KCNT2: variants seen among roughly 807,000 people sequenced by gnomAD.
KCNT2 encodes the protein potassium channel subfamily T member 2.
KCNT2 carries 67 observed loss-of-function variants against 153.8 expected under a neutral mutation model. That is an observed-to-expected ratio of 0.44 (90% confidence interval 0.36 to 0.53). The LOEUF (loss-of-function observed/expected upper bound fraction) is 0.53, where lower values mean the gene tolerates loss of function less well. Ranked by LOEUF, KCNT2 falls within the 20% of genes least tolerant of loss-of-function variation. The probability of loss-of-function intolerance (pLI) is 0.00; values close to 1 mark genes in which losing one functional copy is unlikely to be tolerated. For synonymous variants in KCNT2, 500 were observed against 458.8 expected (o/e 1.09, Z -1.15); for missense variants, 975 against 1,354.8 (o/e 0.72, Z 4.40).
chr1:196,447,522 T>C (rs996176677), intron 8 of KCNT2, among the ~76,000 whole-genome samples: 13 of 151,458 alleles, frequency 8.6e-5, no homozygotes, highest in African/African-American at 3.1e-4. Context: ...ATAAGCATTA[T>C]AAGGGAGCAA....
At chr1:196,293,993 ACAACT>A (rs1297702015) in intron 22 of KCNT2, among the ~76,000 whole-genome samples, 1 of 152,180 alleles carries the variant, frequency 6.6e-6, no homozygotes, top group African/African-American at 2.4e-5. Context: ...AAGGACTCAA[ACAACT>A]CAACAGCAAT....
rs368302559 is a variant in KCNT2, at chr1:196,435,743, T to C, written c.639-5986A>G. Among the ~76,000 whole-genome samples, 12 of 151,860 alleles carry C rather than the reference T, an allele frequency of 7.9e-5. No homozygotes were observed. The East Asian group carries it at 2.3e-3, about 30-fold the overall frequency. ...GGACAACTGTCTAGGCTATGTTTTA[T>C]GGAAGAAACAAATTACTCAATATTA... is the stretch of plus-strand genomic sequence containing the variant. On this transcript the variant is annotated intron_variant, in intron 8 of 27. Coordinates refer to ENST00000294725, the MANE Select transcript of KCNT2 (RefSeq NM_198503.5).
intron 13 of KCNT2, among the ~76,000 whole-genome samples, chr1:196,378,501 C>A (rs1373522078): frequency 2.0e-5 from 3 of 151,674 alleles, no homozygotes; most frequent in Non-Finnish European, 4.4e-5. Flanking sequence ...GTCAAATACT[C>A]CAAGTTTTAG....
intron 8 of KCNT2, among the ~76,000 whole-genome samples, chr1:196,442,341 G>A (rs2148590927): frequency 6.6e-6 from 1 of 151,846 alleles, no homozygotes; most frequent in Non-Finnish European, 1.5e-5. Context: ...AAAAAGTTTT[G>A]TTCTCCATTC....
At chr1:196,479,124 G>C in intron 5 of KCNT2, 55 bp downstream of exon 5, 2 of 1,125,054 alleles carry the variant, frequency 1.8e-6, no homozygotes, top group Non-Finnish European at 2.7e-6. Flanking sequence ...GGAATACTGA[G>C]TAAATACTAC....
chr1:196,280,389 G>A (rs1339048685), intron 25 of KCNT2, among the ~76,000 whole-genome samples: 1 of 152,174 alleles, frequency 6.6e-6, no homozygotes, highest in Non-Finnish European at 1.5e-5. Context: ...TTTGGCTTTA[G>A]AGTGGTCACC....
intron 26 of KCNT2, chr1:196,257,992 C>A: frequency 7.2e-7 from 1 of 1,387,738 alleles, no homozygotes; most frequent in South Asian, 1.7e-5. Context: ...ACCTAGCAGA[C>A]TCAGCAAACG....
intron 5 of KCNT2, among the ~76,000 whole-genome samples, chr1:196,478,571 C>T (rs1342844887): frequency 1.3e-5 from 2 of 152,088 alleles, no homozygotes; most frequent in African/African-American, 4.8e-5. Context: ...ACTACTGTTT[C>T]CTTTTCATTC....
intron 1 of KCNT2, among the ~76,000 whole-genome samples, chr1:196,559,703 G>A (rs1659132136): frequency 6.6e-6 from 1 of 151,672 alleles, no homozygotes; most frequent in Non-Finnish European, 1.5e-5. Context: ...ATTTTAATGT[G>A]CATTTCTCTG....
intron 14 of KCNT2, among the ~76,000 whole-genome samples, chr1:196,369,931 A>G (rs1055944201): frequency 3.9e-5 from 6 of 152,158 alleles, no homozygotes; most frequent in Admixed American, 2.0e-4. Flanking sequence ...ACACTTCTCA[A>G]AAGAAGACAT....
intron 7 of KCNT2, 40 bp downstream of exon 7, chr1:196,467,663 T>C: frequency 7.7e-7 from 1 of 1,306,104 alleles, no homozygotes; most frequent in Non-Finnish European, 1.1e-6. Context: ...AGAAATGGTT[T>C]AAAAATATTT....
At chr1:196,530,008 A>T (rs146406208) in intron 1 of KCNT2, among the ~76,000 whole-genome samples, 3 of 152,174 alleles carry the variant, frequency 2.0e-5, no homozygotes, top group African/African-American at 7.2e-5. Flanking sequence ...TGCAGCAATC[A>T]TATTTCATAC....
rs963192338 is a variant in KCNT2, at chr1:196,227,579, A to G, written c.*645T>C. 1 of 152,406 alleles carries G rather than the reference A, an allele frequency of 6.6e-6. No homozygotes were observed. Among genetic ancestry groups the G allele is most frequent in the African/African-American group, 2.4e-5 (1 of 41,456 alleles). 9.4% of individuals were successfully genotyped at this position (152,406 alleles called of 1,614,324 possible). On this transcript the variant is annotated 3_prime_UTR_variant, in exon 28 of 28. Coordinates refer to ENST00000294725, the MANE Select transcript of KCNT2 (RefSeq NM_198503.5). Reference sequence around the variant, plus strand: ...GTGCAGGAACCTAGTGTTTCTTTTCATTTATGTTTTAGTTTCTTCAATGTA... The same window carrying G: ...GTGCAGGAACCTAGTGTTTCTTTTCGTTTATGTTTTAGTTTCTTCAATGTA...
intron 1 of KCNT2, among the ~76,000 whole-genome samples, chr1:196,524,132 ATTTC>A (rs1653862204): frequency 6.6e-6 from 1 of 152,168 alleles, no homozygotes; most frequent in South Asian, 2.1e-4. Context: ...ATCCTACTAA[ATTTC>A]TTTGTTTCTA....
intron 1 of KCNT2, among the ~76,000 whole-genome samples, chr1:196,535,767 C>A (rs1655475935): frequency 6.6e-6 from 1 of 152,194 alleles, no homozygotes; most frequent in African/African-American, 2.4e-5. Flanking sequence ...AGCCACAAGC[C>A]ATATGTACAG....
At chr1:196,388,668 T>C (rs1246969458) in intron 13 of KCNT2, among the ~76,000 whole-genome samples, 1 of 151,742 alleles carries the variant, frequency 6.6e-6, no homozygotes, top group Non-Finnish European at 1.5e-5. Context: ...AAAGGTTATA[T>C]TTAATTTAAA....
chr1:196,395,773 T>C lies in KCNT2; in HGVS notation c.1294+2790A>G, dbSNP rs563905998. On this transcript the variant is annotated intron_variant, in intron 13 of 27. Coordinates refer to ENST00000294725, the MANE Select transcript of KCNT2 (RefSeq NM_198503.5). Reference sequence around the variant, plus strand: ...ACAATTTTCTGAAAGTAAACTTTGCTTACTTTTTAAACATAAATTATAATC... The same window carrying C: ...ACAATTTTCTGAAAGTAAACTTTGCCTACTTTTTAAACATAAATTATAATC... Among the ~76,000 whole-genome samples the C allele has an allele frequency of 3.7e-3, 554 of 151,724 alleles. 3 individuals carry two copies. The highest frequency in any genetic ancestry group is 0.012 in the African/African-American group (517 of 41,474).
At chr1:196,319,163 A>G (rs1305991967) in intron 20 of KCNT2, among the ~76,000 whole-genome samples, 1 of 151,780 alleles carries the variant, frequency 6.6e-6, no homozygotes, top group Admixed American at 6.6e-5. Flanking sequence ...GCATCACAAT[A>G]TTGCAACTTT....
intron 13 of KCNT2, among the ~76,000 whole-genome samples, chr1:196,387,258 A>C (rs1490995570): frequency 1.3e-5 from 2 of 151,840 alleles, no homozygotes. Flanking sequence ...ACTATCCTCT[A>C]TCTTGGTGCA....
Sources: allele counts gnomAD v4.1 joint callset (sites outside exome capture counted in the v4.1 genomes callset), GRCh38; gene constraint gnomAD v4.1.1; transcripts MANE v1.5; gene names NCBI Gene and HGNC (gene_info 2026-07-23, HGNC 2026-07-21).